The following RRP1 variants were observed in gnomAD, a reference collection of about 807,000 sequenced individuals.
RRP1 encodes ribosomal RNA processing protein 1 homolog A.
A neutral mutation model predicts 54.6 loss-of-function variants in RRP1; 37 were observed. That is an observed-to-expected ratio of 0.68 (90% CI 0.52 to 0.89). RRP1 has a LOEUF of 0.89. Among genes scored for constraint, RRP1 ranks in the 40% least tolerant of loss-of-function variants. The pLI is 0.00. For synonymous variants in RRP1, 262 were observed against 244.3 expected, an observed-to-expected ratio of 1.07 and a Z score of -0.67; for missense variants, 639 against 612.5, an observed-to-expected ratio of 1.04 and a Z score of -0.46.
chr21:43,797,569 C>A lies in RRP1; in HGVS notation c.552+18C>A, dbSNP rs112805425. 3.7e-6 allele frequency: 6 copies of A among 1,613,792 alleles called. No homozygotes were observed. The East Asian group carries it at 1.3e-4, about 36-fold the overall frequency. ...CCGAGGAGGTGAGGCTGGGCTCCGACGGGGCGGTGGAGCTGGGCGTTTGTG... is the reference window on the plus strand; with the variant it reads ...CCGAGGAGGTGAGGCTGGGCTCCGAAGGGGCGGTGGAGCTGGGCGTTTGTG... On this transcript the variant is annotated intron_variant, in intron 6 of 12. Coordinates refer to ENST00000497547, the MANE Select transcript of RRP1 (RefSeq NM_003683.6).
In RRP1 at chr21:43,800,381, T is replaced by G. The variant is rs564983434; in HGVS notation, c.892-136T>G. 125 of 717,222 alleles carry G rather than the reference T, an allele frequency of 1.7e-4. No individual in the cohort carries two copies. In the African/African-American group the frequency reaches 1.9e-3, roughly 11 times the overall value. 44.4% of individuals were successfully genotyped at this position (717,222 alleles called of 1,614,324 possible). A position where few individuals can be genotyped will look rare whatever the true frequency, so the allele number is the denominator to read the frequency against. ...GGAGCTGCAGGACCCTCAGTGAGGG[T>G]GGGCTGTGTTCCTGTGAGCCGGGTG... On this transcript the variant is annotated intron_variant, in intron 9 of 12. Transcript: ENST00000497547.
rs552360721 is a variant in RRP1 at position 43,800,890 on chromosome 21, C to T, written c.1009+9C>T. 30 of 1,613,638 alleles carry T rather than the reference C, an allele frequency of 1.9e-5. No homozygotes were observed. The highest frequency in any genetic ancestry group is 4.4e-5 in the South Asian group (4 of 91,078). On this transcript the variant is annotated intron_variant, in intron 11 of 12. Coordinates refer to ENST00000497547, the MANE Select transcript of RRP1 (RefSeq NM_003683.6). ...GCAGGACCTGGCAGGAGGTGAGGATCGGCCGGGCACTGACAGTGGCACCAC... is the reference window on the plus strand; with the variant it reads ...GCAGGACCTGGCAGGAGGTGAGGATTGGCCGGGCACTGACAGTGGCACCAC...
At position 43,804,943 on chromosome 21, in the gene RRP1, C is replaced by T. The variant is rs1271474543; in HGVS notation, c.*1169C>T. ...GCCAAGGAGAGGGAAGGCCAGGGCC[C>T]CTGTTCTAGGGGTTAGGGTTCTTTC... On this transcript the variant is annotated 3_prime_UTR_variant, in exon 13 of 13. Transcript: ENST00000497547. This position sits in a 1 kb window ranked among gnomAD's most constrained non-coding sequence, Gnocchi z 4.3. 2 of 152,334 alleles carry T rather than the reference C, an allele frequency of 1.3e-5. No homozygotes were observed. The highest frequency in any genetic ancestry group is 2.4e-5 in the African/African-American group (1 of 41,450). 9.4% of individuals were successfully genotyped at this position (152,334 alleles called of 1,614,324 possible). A position where few individuals can be genotyped will look rare whatever the true frequency, so the allele number is the denominator to read the frequency against.
intron 3 of RRP1, 82 bp downstream of exon 3, chr21:43,792,811 G>C: frequency 1.4e-6 from 2 of 1,465,122 alleles, no homozygotes; most frequent in Non-Finnish European, 1.9e-6. Flanking sequence ...CAGGAGGTTT[G>C]TGTTCTCAAA....
intron 9 of RRP1, among the ~76,000 whole-genome samples, chr21:43,799,928 C>G (rs1049817263): frequency 6.6e-6 from 1 of 152,202 alleles, no homozygotes; most frequent in South Asian, 2.1e-4. Flanking sequence ...CTGGCCTCAC[C>G]TCACGCTGTC....
chr21:43,789,590 C>T lies in RRP1; in HGVS notation c.-40C>T, dbSNP rs572914566. Reference sequence around the variant, plus strand: ...AGGCGCGTGCTCAGTGTGCTGGGTACCAGGCGACTCCGGGACAGGGGGTCT... The same window carrying T: ...AGGCGCGTGCTCAGTGTGCTGGGTATCAGGCGACTCCGGGACAGGGGGTCT... On this transcript the variant is annotated 5_prime_UTR_variant, in exon 1 of 13. Coordinates refer to ENST00000497547, the MANE Select transcript of RRP1 (RefSeq NM_003683.6). 3.8e-6 allele frequency: 6 copies of T among 1,569,346 alleles called. No individual in the cohort carries two copies. The highest frequency in any genetic ancestry group is 1.8e-5 in the Admixed American group (1 of 55,152).
chr21:43,793,337 C>A lies in RRP1; in HGVS notation c.293C>A (p.Ala98Asp), dbSNP rs1281100546. The A allele has an allele frequency of 1.9e-6, 3 of 1,614,182 alleles. No homozygotes were observed. Among genetic ancestry groups the A allele is most frequent in the Admixed American group, 1.7e-5 (1 of 60,032 alleles). Residue 98 changes from alanine to aspartate, a missense_variant, in exon 4 of 13, where the codon GCC (alanine) becomes GAC (aspartate). By Grantham distance (126) the Ala-to-Asp change is moderately radical. Coordinates refer to ENST00000497547, the MANE Select transcript of RRP1 (RefSeq NM_003683.6). Reference protein sequence around the residue: ...TTEAQHLFLQAFWQTMNREWT... With the variant: ...TTEAQHLFLQDFWQTMNREWT... ...TCTCCAGAGCACCTGTTCCTTCAGGCCTTCTGGCAGACCATGAATCGCGAG... is the reference window on the plus strand; with the variant it reads ...TCTCCAGAGCACCTGTTCCTTCAGGACTTCTGGCAGACCATGAATCGCGAG...
At chr21:43,801,940 G>A (rs184023278) in intron 11 of RRP1, among the ~76,000 whole-genome samples, 1 of 152,134 alleles carries the variant, frequency 6.6e-6, no homozygotes, top group South Asian at 2.1e-4. Flanking sequence ...TTTCAGGTGA[G>A]GGCTGTTGAA....
chr21:43,802,335 G>T lies in RRP1; in HGVS notation c.1071G>T (p.Arg357=). The T allele has an allele frequency of 6.2e-7, 1 of 1,613,994 alleles. No homozygotes were observed. ...GCAGGCGCCTGCTTGAAGGGAGGCGGCAGAAGAAGACGAAGAAGCAGAAGC... is the reference window on the plus strand; with the variant it reads ...GCAGGCGCCTGCTTGAAGGGAGGCGTCAGAAGAAGACGAAGAAGCAGAAGC... ...KACRRLLEGR[R]QKKTKKQKRL... The change falls in exon 12 of 13, where the codon CGG becomes CGT. Residue 357 remains arginine (R), a synonymous_variant. Transcript: ENST00000497547.
chr21:43,793,094 G>A (rs968238866), intron 3 of RRP1: 9 of 568,908 alleles, frequency 1.6e-5, no homozygotes, highest in African/African-American at 1.5e-4. Flanking sequence ...GACCGGAGTT[G>A]AGAAGTTCTT....
At chr21:43,796,154 TCAG>T (rs2085016742) in intron 5 of RRP1, among the ~76,000 whole-genome samples, 1 of 151,606 alleles carries the variant, frequency 6.6e-6, no homozygotes, top group African/African-American at 2.4e-5. Flanking sequence ...TTTTAAAGAA[TCAG>T]CAGGAATTGA....
rs1449005912 is a variant in RRP1 at position 43,789,643 on chromosome 21, T to A, written c.14T>A (p.Val5Glu). The change falls in exon 1 of 13, where the codon GTG (valine) becomes GAG (glutamate). Residue 5 changes from valine to glutamate, a missense_variant. Coordinates refer to ENST00000497547, the MANE Select transcript of RRP1 (RefSeq NM_003683.6). MVSR[V>E]QLPPEIQLAQ... ...GCCGTCGGCGTCATGGTTTCGCGCG[T>A]GCAGCTCCCGCCTGAGATCCAGCTG... 6.3e-7 allele frequency: 1 copy of A among 1,584,448 alleles called. No individual in the cohort carries two copies. The highest frequency in any genetic ancestry group is 8.6e-7 in the Non-Finnish European group (1 of 1,167,134).
At chr21:43,803,403 G>T in intron 12 of RRP1, 109 bp from the exon 13 acceptor site, 1 of 1,400,634 alleles carries the variant, frequency 7.1e-7, no homozygotes, top group Non-Finnish European at 9.5e-7. Context: ...TGTTGTGGCC[G>T]TGTTGTCCTC....
chr21:43,798,024 G>C lies in RRP1; in HGVS notation c.735G>C (p.Ser245=). 6 of 1,614,154 alleles carry C rather than the reference G, an allele frequency of 3.7e-6. No homozygotes were observed. Among genetic ancestry groups the C allele is most frequent in the Non-Finnish European group, 5.1e-6 (6 of 1,180,014 alleles). ...ACACACAGGATGAGGAGGTGGCGTC[G>C]GACAGTGATGAGTCCTCTGAGGGTG... ...ELDTQDEEVA[S]DSDESSEGGE... is the part of the protein sequence containing the mutation. Residue 245 remains serine, a synonymous_variant, in exon 8 of 13, where the codon TCG becomes TCC. Transcript: ENST00000497547.
chr21:43,795,530 G>A (rs984471772), intron 5 of RRP1, among the ~76,000 whole-genome samples: 3 of 152,140 alleles, frequency 2.0e-5, no homozygotes, highest in Non-Finnish European at 2.9e-5. Flanking sequence ...ATAAAAACAC[G>A]GCATGTTCCG....
At chr21:43,801,017 CAGGG>C in intron 11 of RRP1, 136 bp downstream of exon 11, 1 of 935,166 alleles carries the variant, frequency 1.1e-6, no homozygotes, top group Non-Finnish European at 1.7e-6. Context: ...TTCTGAGGGA[CAGGG>C]AGGCAGGGCG....
At chr21:43,802,761 C>T (rs1478514900) in intron 12 of RRP1, among the ~76,000 whole-genome samples, 2 of 152,116 alleles carry the variant, frequency 1.3e-5, no homozygotes, top group Non-Finnish European at 2.9e-5. Flanking sequence ...CCTTCCCCTT[C>T]TTCCCTCCAC....
Position 43,793,329 on chromosome 21 carries a change from C to T in RRP1, c.285C>T (p.Phe95=). ...AFQTTEAQHL[F]LQAFWQTMNR... is the part of the protein sequence containing the mutation. ...TTATTCCTTCTCCAGAGCACCTGTTCCTTCAGGCCTTCTGGCAGACCATGA... is the reference window on the plus strand; with the variant it reads ...TTATTCCTTCTCCAGAGCACCTGTTTCTTCAGGCCTTCTGGCAGACCATGA... Residue 95 remains phenylalanine (F), a synonymous_variant, in exon 4 of 13, where the codon TTC becomes TTT. Coordinates refer to ENST00000497547, the MANE Select transcript of RRP1 (RefSeq NM_003683.6). 3 of 1,614,192 alleles carry T rather than the reference C, an allele frequency of 1.9e-6. No homozygotes were observed. In the South Asian group the frequency reaches 3.3e-5, roughly 18 times the overall value.
At chr21:43,803,381 C>A in intron 12 of RRP1, 131 bp from the exon 13 acceptor site, 1 of 1,259,396 alleles carries the variant, frequency 7.9e-7, no homozygotes, top group Non-Finnish European at 1.1e-6. Context: ...ACACGGGATG[C>A]GTCTGGCTGG....
Sources: gnomAD v4.1 joint callset for allele counts (sites outside exome capture counted in the v4.1 genomes callset) on GRCh38, gnomAD v4.1.1 for gene constraint, Gnocchi (gnomAD v3.1) non-coding constraint, MANE v1.5 for transcripts, NCBI Gene and HGNC (gene_info 2026-07-23, HGNC 2026-07-21) for gene names.